The following ERBB4 variants were observed in gnomAD, a reference collection of about 807,000 sequenced individuals.
ERBB4 encodes the protein receptor tyrosine-protein kinase erbB-4.
ERBB4 carries 42 observed loss-of-function variants against 158.0 expected under a neutral mutation model. That is an observed-to-expected ratio of 0.27 (90% CI 0.21 to 0.34). The LOEUF (loss-of-function observed/expected upper bound fraction) is 0.34, where lower values mean the gene tolerates loss of function less well. Among genes scored for constraint, ERBB4 ranks in the 10% least tolerant of loss-of-function variants. The pLI, the probability that ERBB4 is intolerant of heterozygous loss-of-function variation, is 1.00. For synonymous variants in ERBB4, 583 were observed against 558.7 expected (o/e 1.04, Z -0.61); for missense variants, 1,333 against 1,624.1 (o/e 0.82, Z 3.08).
chr2:211,466,158 T>C (rs1341839094), intron 20 of ERBB4, among the ~76,000 whole-genome samples: 1 of 152,038 alleles, frequency 6.6e-6, no homozygotes, highest in African/African-American at 2.4e-5. Context: ...GCTCTGACAT[T>C]TTTAAAAGAG....
rs1232993100 is a variant in ERBB4, at chr2:211,652,169, T to C, written c.1946+5585A>G. On this transcript the variant is annotated intron_variant, in intron 16 of 27. Coordinates refer to ENST00000342788, the MANE Select transcript of ERBB4 (RefSeq NM_005235.3). ...TATGAACAGTAATTAACAACTGAGC[T>C]GAGACGTTTTGCTCTTCCCCTATAA... Among the ~76,000 whole-genome samples, 3 of 152,316 alleles carry C rather than the reference T, an allele frequency of 2.0e-5. No individual in the cohort carries two copies. The South Asian group carries it at 6.2e-4, about 32-fold the overall frequency.
chr2:212,052,841 C>T (rs1299826189), intron 2 of ERBB4, among the ~76,000 whole-genome samples: 3 of 152,138 alleles, frequency 2.0e-5, no homozygotes, highest in African/African-American at 7.2e-5. Flanking sequence ...ATATAAATAC[C>T]CCAATTTTAG....
At chr2:212,262,020 C>A in intron 1 of ERBB4, among the ~76,000 whole-genome samples, 1 of 152,088 alleles carries the variant, frequency 6.6e-6, no homozygotes, top group East Asian at 1.9e-4. Flanking sequence ...CCAACATTAT[C>A]ACATATTCAA....
At chr2:212,345,338 G>A (rs989415369) in intron 1 of ERBB4, among the ~76,000 whole-genome samples, 2 of 148,882 alleles carry the variant, frequency 1.3e-5, no homozygotes, top group Non-Finnish European at 3.0e-5. Context: ...TGTTATTATT[G>A]CTATTCCTAA....
At position 211,775,521 on chromosome 2, in the gene ERBB4, T is replaced by G. The variant is rs76280032; in HGVS notation, c.556+12504A>C. Among the ~76,000 whole-genome samples, 618 of 152,322 alleles carry G rather than the reference T, an allele frequency of 4.1e-3. 1 individual carries two copies. Among genetic ancestry groups the G allele is most frequent in the Middle Eastern group, 0.01 (3 of 294 alleles). On this transcript the variant is annotated intron_variant, in intron 4 of 27. Coordinates refer to ENST00000342788, the MANE Select transcript of ERBB4 (RefSeq NM_005235.3). ...AGCAAGGTTTGGGGCTAGAGTTAGC[T>G]AAAAGTGATCAGGCCATGATGAAAT... is the stretch of plus-strand genomic sequence containing the variant.
Position 211,629,982 on chromosome 2 carries a change from C to A in ERBB4, c.2079+480G>T, listed in dbSNP as rs2070039198. Reference sequence around the variant, plus strand: ...TAGGCAATACCATTCAGGACATAGGCATGGGCAAGGACTTCATGTCTAAAA... The same window carrying A: ...TAGGCAATACCATTCAGGACATAGGAATGGGCAAGGACTTCATGTCTAAAA... On this transcript the variant is annotated intron_variant, in intron 17 of 27. Transcript: ENST00000342788. 5.3e-5 allele frequency among the ~76,000 whole-genome samples: 8 copies of A among 152,268 alleles called. No individual in the cohort carries two copies. The South Asian group carries it at 1.7e-3, about 32-fold the overall frequency.
chr2:211,969,036 T>G (rs1381721705), intron 2 of ERBB4, among the ~76,000 whole-genome samples: 1 of 151,990 alleles, frequency 6.6e-6, no homozygotes, highest in Non-Finnish European at 1.5e-5. Context: ...AAATAGAGAA[T>G]AAGCATTAAA....
At chr2:212,368,872 AG>A (rs1360060030) in intron 1 of ERBB4, among the ~76,000 whole-genome samples, 1 of 152,116 alleles carries the variant, frequency 6.6e-6, no homozygotes, top group African/African-American at 2.4e-5. Context: ...TACTATTAAT[AG>A]CACCGTAGGT....
chr2:212,529,673 GCAC>G (rs977039638), intron 1 of ERBB4, among the ~76,000 whole-genome samples: 10 of 152,110 alleles, frequency 6.6e-5, no homozygotes, highest in African/African-American at 2.4e-4. Context: ...TATGTATGTG[GCAC>G]CACATTAGTC....
chr2:211,713,289 T>C (rs1042588683), intron 8 of ERBB4, among the ~76,000 whole-genome samples: 1 of 152,182 alleles, frequency 6.6e-6, no homozygotes, highest in Non-Finnish European at 1.5e-5. Context: ...ACTTTATTTC[T>C]GAGTTCCTAT....
intron 1 of ERBB4, among the ~76,000 whole-genome samples, chr2:212,420,202 A>G (rs2091761677): frequency 6.6e-6 from 1 of 152,034 alleles, no homozygotes; most frequent in Non-Finnish European, 1.5e-5. Context: ...ACAGCCAATT[A>G]TGTCTTCTTA....
chr2:212,513,668 G>A (rs1314266536), intron 1 of ERBB4, among the ~76,000 whole-genome samples: 2 of 152,076 alleles, frequency 1.3e-5, no homozygotes, highest in Non-Finnish European at 2.9e-5. Context: ...AAAATTAGCC[G>A]GGCGTAGTGG....
At chr2:211,889,117 C>G (rs1449475312) in intron 3 of ERBB4, among the ~76,000 whole-genome samples, 1 of 143,046 alleles carries the variant, frequency 7.0e-6, no homozygotes, top group South Asian at 2.1e-4. Flanking sequence ...AACAAAAAGA[C>G]AGCAGTAACC....
intron 1 of ERBB4, among the ~76,000 whole-genome samples, chr2:212,489,583 T>C (rs1334562632): frequency 1.3e-5 from 2 of 151,912 alleles, no homozygotes; most frequent in Non-Finnish European, 2.9e-5. Context: ...GAAATATAAA[T>C]ATTTATCTTG....
chr2:211,662,695 C>A (rs1055897012), intron 15 of ERBB4, among the ~76,000 whole-genome samples: 8 of 152,074 alleles, frequency 5.3e-5, no homozygotes, highest in African/African-American at 1.9e-4. Context: ...AATAGATGAC[C>A]TATTTTAAAA....
intron 19 of ERBB4, among the ~76,000 whole-genome samples, chr2:211,595,895 A>G (rs1192700725): frequency 6.6e-6 from 1 of 152,188 alleles, no homozygotes; most frequent in Non-Finnish European, 1.5e-5. Flanking sequence ...CCTGGAACCA[A>G]TCCCTCCCTG....
intron 4 of ERBB4, among the ~76,000 whole-genome samples, chr2:211,761,449 C>G (rs886465254): frequency 7.9e-5 from 12 of 152,044 alleles, no homozygotes; most frequent in Non-Finnish European, 1.8e-4. Context: ...CCATCTTAAT[C>G]AGAAATTATT....
chr2:212,058,121 C>T (rs1363573597), intron 2 of ERBB4, among the ~76,000 whole-genome samples: 2 of 152,144 alleles, frequency 1.3e-5, no homozygotes, highest in Non-Finnish European at 2.9e-5. Context: ...ACCACTGATC[C>T]CACAGAAATA....
intron 3 of ERBB4, among the ~76,000 whole-genome samples, chr2:211,814,269 G>T (rs1227788564): frequency 2.6e-5 from 4 of 152,098 alleles, no homozygotes; most frequent in Non-Finnish European, 5.9e-5. Flanking sequence ...TCAGAAAAAT[G>T]TGTAACTTTA....
Sources: allele counts gnomAD v4.1 joint callset (sites outside exome capture counted in the v4.1 genomes callset), GRCh38; gene constraint gnomAD v4.1.1; transcripts MANE v1.5; gene names NCBI Gene and HGNC (gene_info 2026-07-23, HGNC 2026-07-21).